GRIP1: variants seen among roughly 807,000 people sequenced by gnomAD.
GRIP1 encodes the protein glutamate receptor interacting protein 1, also known as glutamate receptor-interacting protein 1.
In GRIP1, 45 loss-of-function variants were observed where a neutral mutation model predicts 129.9. The ratio of observed to expected loss-of-function variants is 0.35; its 90% CI spans 0.27 to 0.44. The LOEUF (loss-of-function observed/expected upper bound fraction) is 0.44, where lower values mean the gene tolerates loss of function less well. GRIP1 is among the 20% of genes least tolerant of loss of function. The pLI is 1.00. For missense variants in GRIP1, 1,196 were observed against 1,396.8 expected, an observed-to-expected ratio of 0.86 and a Z score of 2.29; for synonymous variants, 530 against 520.8, an observed-to-expected ratio of 1.02 and a Z score of -0.24.
chr12:66,455,862 C>T (rs946273056), intron 10 of GRIP1, among the ~76,000 whole-genome samples: 10 of 152,164 alleles, frequency 6.6e-5, no homozygotes, highest in Non-Finnish European at 1.5e-4. Context: ...GCATCAGATA[C>T]ATAATCTCAT....
chr12:66,914,508 T>C (rs1432391219), intron 1 of GRIP1, among the ~76,000 whole-genome samples: 2 of 152,224 alleles, frequency 1.3e-5, no homozygotes, highest in Admixed American at 6.5e-5. Flanking sequence ...ACATCAGTAA[T>C]GACTACAGTG....
intron 7 of GRIP1, among the ~76,000 whole-genome samples, chr12:66,496,359 C>T (rs2060239587): frequency 1.3e-5 from 2 of 152,086 alleles, no homozygotes; most frequent in African/African-American, 4.8e-5. Flanking sequence ...TTTCGATGAG[C>T]CAAGTTACCA....
chr12:66,596,985 G>T, intron 1 of GRIP1, 58 bp from the exon 2 acceptor site: 1 of 1,118,332 alleles, frequency 8.9e-7, no homozygotes. Flanking sequence ...ATGCAGTGAA[G>T]ATTTTTAACG....
intron 2 of GRIP1, chr12:66,568,963 T>G (rs1299965184): frequency 3.9e-6 from 2 of 516,636 alleles, no homozygotes; most frequent in East Asian, 1.1e-4. Flanking sequence ...ACTAGGTTGA[T>G]ACACTGCATC....
At chr12:66,988,354 T>C (rs1366864266) in intron 1 of GRIP1, among the ~76,000 whole-genome samples, 1 of 152,148 alleles carries the variant, frequency 6.6e-6, no homozygotes, top group Non-Finnish European at 1.5e-5. Context: ...CTTGTGCTAC[T>C]TCTCTGATAT....
Position 66,539,544 on chromosome 12 carries a change from G to GTTTTT in GRIP1, c.273-322_273-321insAAAAA, listed in dbSNP as rs1250833017. On this transcript the variant is annotated intron_variant, in intron 3 of 24. Transcript: ENST00000359742. ...GCACCATAAAACAAAATCAAGAGAA[G>GTTTTT]CTTTTTTTTTTTTTTTTTTTTTTTT... Among the ~76,000 whole-genome samples the GTTTTT allele has an allele frequency of 2.0e-3, 134 of 67,632 alleles. 4 individuals are homozygous for GTTTTT. Among genetic ancestry groups the GTTTTT allele is most frequent in the African/African-American group, 7.3e-3 (119 of 16,282 alleles). The allele number at this position is 67,632 out of a possible 152,430, so 44.4% of individuals were successfully genotyped here. A position where few individuals can be genotyped will look rare whatever the true frequency, so the allele number is the denominator to read the frequency against.
At chr12:66,636,372 C>G (rs1294221159) in intron 1 of GRIP1, among the ~76,000 whole-genome samples, 2 of 152,158 alleles carry the variant, frequency 1.3e-5, no homozygotes, top group East Asian at 3.9e-4. Context: ...CTTAATGCCT[C>G]TGAACTACGC....
At chr12:66,651,411 C>T (rs999042766) in intron 1 of GRIP1, among the ~76,000 whole-genome samples, 4 of 152,196 alleles carry the variant, frequency 2.6e-5, no homozygotes, top group African/African-American at 9.7e-5. Flanking sequence ...TTGAGAGATA[C>T]TGTGTTCTGC....
At chr12:66,800,964 C>T (rs866788545) in intron 1 of GRIP1, among the ~76,000 whole-genome samples, 4 of 152,142 alleles carry the variant, frequency 2.6e-5, no homozygotes, top group Middle Eastern at 3.4e-3. Flanking sequence ...TAGATTATGA[C>T]CCTAAAGTAA....
At chr12:66,524,792 T>C (rs2061162024) in intron 5 of GRIP1, among the ~76,000 whole-genome samples, 1 of 151,820 alleles carries the variant, frequency 6.6e-6, no homozygotes, top group African/African-American at 2.4e-5. Context: ...GCAAGACTAA[T>C]AAAGAAGAAT....
chr12:66,447,123 G>A (rs546556815), intron 11 of GRIP1, among the ~76,000 whole-genome samples: 1 of 152,300 alleles, frequency 6.6e-6, no homozygotes, highest in African/African-American at 2.4e-5. Flanking sequence ...GCCTCATGTG[G>A]GGATCTGGTA....
rs370300223 is a variant in GRIP1, at chr12:66,617,085, T to TGTGTGTGTGTGTG, written c.56-20159_56-20158insCACACACACACAC. On this transcript the variant is annotated intron_variant, in intron 1 of 24. Transcript: ENST00000359742. The stretch of plus-strand genomic sequence containing the variant: ...AGCAACTTGACAAGCAACAGACGTT[T>TGTGTGTGTGTGTG]TGTGTGTGTGTGTGTGTGTGTGTGT... 3.0e-3 allele frequency among the ~76,000 whole-genome samples: 404 copies of TGTGTGTGTGTGTG among 135,518 alleles called. 11 individuals are homozygous for TGTGTGTGTGTGTG. Among genetic ancestry groups the TGTGTGTGTGTGTG allele is most frequent in the Middle Eastern group, 0.015 (4 of 270 alleles). 88.9% of individuals were successfully genotyped at this position (135,518 alleles called of 152,430 possible).
intron 1 of GRIP1, among the ~76,000 whole-genome samples, chr12:66,709,023 G>T (rs1444244426): frequency 1.3e-5 from 2 of 151,402 alleles, no homozygotes; most frequent in Non-Finnish European, 2.9e-5. Context: ...TAAAAGAAAA[G>T]ACAGTAGACC....
intron 1 of GRIP1, among the ~76,000 whole-genome samples, chr12:66,613,813 G>A (rs1205485553): frequency 6.6e-6 from 1 of 152,080 alleles, no homozygotes; most frequent in Non-Finnish European, 1.5e-5. Flanking sequence ...GGTTTCTTCT[G>A]TGCAAGGATG....
intron 1 of GRIP1, among the ~76,000 whole-genome samples, chr12:66,761,499 G>T (rs2037474439): frequency 6.6e-6 from 1 of 152,026 alleles, no homozygotes; most frequent in Non-Finnish European, 1.5e-5. Flanking sequence ...ATCCCACAAA[G>T]TCTCATTTCC....
intron 1 of GRIP1, among the ~76,000 whole-genome samples, chr12:66,853,287 CT>C (rs377650370): frequency 1.3e-5 from 2 of 150,706 alleles, no homozygotes; most frequent in African/African-American, 2.4e-5. Context: ...GTGGGGCAAG[CT>C]TTTTTTTTCC....
intron 1 of GRIP1, among the ~76,000 whole-genome samples, chr12:66,986,080 A>C (rs941883626): frequency 2.6e-5 from 4 of 152,114 alleles, no homozygotes; most frequent in African/African-American, 9.7e-5. Context: ...CTCAACCACA[A>C]ATCTTGATTC....
chr12:66,697,646 G>A (rs936428709), intron 1 of GRIP1, among the ~76,000 whole-genome samples: 2 of 152,150 alleles, frequency 1.3e-5, no homozygotes, highest in African/African-American at 4.8e-5. Context: ...CGTGCTAACT[G>A]GCTGCACTGA....
At chr12:66,618,449 C>T (rs954303022) in intron 1 of GRIP1, among the ~76,000 whole-genome samples, 38 of 151,972 alleles carry the variant, frequency 2.5e-4, no homozygotes, top group African/African-American at 8.9e-4. Flanking sequence ...TGAATCTTTT[C>T]ACCATATATC....
Sources: gnomAD v4.1 joint callset for allele counts (sites outside exome capture counted in the v4.1 genomes callset) on GRCh38, gnomAD v4.1.1 for gene constraint, MANE v1.5 for transcripts, NCBI Gene and HGNC (gene_info 2026-07-23, HGNC 2026-07-21) for gene names.